IMPG2: variants seen among roughly 807,000 people sequenced by gnomAD.
IMPG2 encodes interphotoreceptor matrix proteoglycan 2, also known as IPM 200.
IMPG2 carries 91 observed loss-of-function variants against 129.2 expected under a neutral mutation model. That is an observed-to-expected ratio of 0.70 (90% CI 0.59 to 0.84). The LOEUF (loss-of-function observed/expected upper bound fraction) is 0.84, where lower values mean the gene tolerates loss of function less well. Among genes scored for constraint, IMPG2 ranks in the 40% least tolerant of loss-of-function variants. The pLI is 0.00. For missense variants in IMPG2, 1,430 were observed against 1,461.7 expected (o/e 0.98, Z 0.35); for synonymous variants, 510 against 517.7 (o/e 0.99, Z 0.20).
At chr3:101,319,417 C>G (rs2058800228) in intron 2 of IMPG2, among the ~76,000 whole-genome samples, 167 bp downstream of exon 2, 1 of 152,122 alleles carries the variant, frequency 6.6e-6, no homozygotes, top group Admixed American at 6.6e-5. Context: ...TTAATGTAAA[C>G]TGTTCTCTGA....
intron 3 of IMPG2, among the ~76,000 whole-genome samples, chr3:101,302,415 T>C (rs1275641578): frequency 1.3e-5 from 2 of 152,208 alleles, no homozygotes; most frequent in Admixed American, 1.3e-4. Flanking sequence ...CTATATATTT[T>C]CCATTAAATA....
intron 4 of IMPG2, among the ~76,000 whole-genome samples, chr3:101,282,123 G>A (rs537186078): frequency 2.0e-5 from 3 of 152,232 alleles, no homozygotes; most frequent in African/African-American, 4.8e-5. Context: ...TAGTGGAAAT[G>A]GGAGTTAATG....
intron 18 of IMPG2, among the ~76,000 whole-genome samples, chr3:101,227,520 A>G (rs557014118): frequency 6.6e-6 from 1 of 152,316 alleles, no homozygotes; most frequent in South Asian, 2.1e-4. Flanking sequence ...TGCATTTTTA[A>G]TTCAGTGAAC....
Position 101,245,854 on chromosome 3 carries a change from G to A in IMPG2, c.1491C>T (p.Gly497=), listed in dbSNP as rs748694734. Residue 497 remains glycine, a synonymous_variant, in exon 12 of 19, where the codon GGC becomes GGT. Coordinates refer to ENST00000193391, the MANE Select transcript of IMPG2 (RefSeq NM_016247.4). ...HSVTPAVLQT[G]LPVASEERTS... ...TCCTTTCCTCAGAAGCCACAGGCAA[G>A]CCAGTCTGAAGCACTGCCGGGGTGA... The A allele has an allele frequency of 3.7e-6, 6 of 1,614,210 alleles. No homozygotes were observed. In the Admixed American group the frequency reaches 8.3e-5, roughly 22 times the overall value.
At chr3:101,240,200 C>T (rs1706391851) in intron 14 of IMPG2, among the ~76,000 whole-genome samples, 1 of 151,924 alleles carries the variant, frequency 6.6e-6, no homozygotes, top group Admixed American at 6.6e-5. Context: ...GCATTGTAAT[C>T]TCAACCTCCT....
At chr3:101,319,460 A>C in intron 2 of IMPG2, 124 bp downstream of exon 2, 1 of 1,096,844 alleles carries the variant, frequency 9.1e-7, no homozygotes, top group Non-Finnish European at 1.4e-6. Context: ...TTAGCAGTAG[A>C]AAGGTAGTTT....
Position 101,226,264 on chromosome 3 carries a change from TATATATATATATATATG to T in IMPG2, c.*688_*704del. 6.8e-5 allele frequency: 2 copies of T among 29,398 alleles called. No homozygotes were observed. The highest frequency in any genetic ancestry group is 9.2e-5 in the Non-Finnish European group (1 of 10,836). The allele number at this position is 29,398 out of a possible 1,614,324, so 1.8% of individuals were successfully genotyped here. On this transcript the variant is annotated 3_prime_UTR_variant, in exon 19 of 19. Transcript: ENST00000193391. ...ATATATATATATATATATATATATA[TATATATATATATATATG>T]CATTCATCCTGAAAACTAAGAAAAA... is the stretch of plus-strand genomic sequence containing the variant.
rs1351340467 is a variant in IMPG2 at position 101,276,738 on chromosome 3, A to C, written c.534-25T>G. ...GCTAGAAAAAAAAATGTTTGCAGTT[A>C]ATAAAATGACAGACACATGAGAGTT... On this transcript the variant is annotated intron_variant, in intron 4 of 18. Coordinates refer to ENST00000193391, the MANE Select transcript of IMPG2 (RefSeq NM_016247.4). The C allele has an allele frequency of 1.9e-6, 3 of 1,579,308 alleles. No individual in the cohort carries two copies. The South Asian group carries it at 3.3e-5, about 18-fold the overall frequency.
intron 18 of IMPG2, among the ~76,000 whole-genome samples, chr3:101,227,278 C>T (rs1297223269): frequency 4.6e-5 from 7 of 152,200 alleles, no homozygotes; most frequent in East Asian, 1.9e-4. Flanking sequence ...ACATGCCTGA[C>T]ATCTTTCCAA....
chr3:101,266,559 T>C (rs72932469), intron 9 of IMPG2, among the ~76,000 whole-genome samples: 3,409 of 152,220 alleles, frequency 0.022, 121 homozygotes, highest in African/African-American at 0.078. Flanking sequence ...ATTTATTAAA[T>C]TGCGTGCTTA....
At chr3:101,251,163 G>A (rs563373206) in intron 11 of IMPG2, among the ~76,000 whole-genome samples, 1 of 152,180 alleles carries the variant, frequency 6.6e-6, no homozygotes, top group Admixed American at 6.5e-5. Context: ...CGCATAACCT[G>A]GCACACATTA....
At chr3:101,230,824 C>A (rs2271973) in intron 16 of IMPG2, 133 bp downstream of exon 16, 140,678 of 762,110 alleles carry the variant, frequency 0.18, 15,090 homozygotes, top group Admixed American at 0.37. Context: ...GGACAAGGAC[C>A]ATGTGTTTAT....
At chr3:101,269,456 A>G in intron 8 of IMPG2, 59 bp downstream of exon 8, 1 of 924,080 alleles carries the variant, frequency 1.1e-6, no homozygotes, top group Non-Finnish European at 1.8e-6. Context: ...TATAATGGAC[A>G]TTCCATTCAG....
intron 3 of IMPG2, 73 bp from the exon 4 acceptor site, chr3:101,291,583 A>G: frequency 1.9e-6 from 2 of 1,061,756 alleles, no homozygotes; most frequent in South Asian, 1.3e-5. Context: ...CTTATTTCAT[A>G]GAGACCACTA....
chr3:101,276,832 C>T, intron 4 of IMPG2, 119 bp from the exon 5 acceptor site: 1 of 695,450 alleles, frequency 1.4e-6, no homozygotes, highest in Admixed American at 2.8e-5. Context: ...GGCTCCCAAG[C>T]AAAAGTACCA....
At chr3:101,313,639 A>T (rs908437622) in intron 2 of IMPG2, among the ~76,000 whole-genome samples, 1 of 152,102 alleles carries the variant, frequency 6.6e-6, no homozygotes, top group African/African-American at 2.4e-5. Context: ...GTCTTATCTA[A>T]AACTTAGGAA....
chr3:101,279,475 T>G (rs2107256348), intron 4 of IMPG2, among the ~76,000 whole-genome samples: 1 of 152,336 alleles, frequency 6.6e-6, no homozygotes, highest in Middle Eastern at 3.4e-3. Flanking sequence ...AGGGTTTCAC[T>G]TGGCCTTCAT....
intron 9 of IMPG2, 56 bp from the exon 10 acceptor site, chr3:101,257,829 A>T: frequency 1.3e-6 from 2 of 1,592,370 alleles, no homozygotes; most frequent in Non-Finnish European, 1.7e-6. Flanking sequence ...CAAAGAAAGG[A>T]GCATTGAACC....
At chr3:101,231,944 A>C (rs1341721062) in intron 15 of IMPG2, among the ~76,000 whole-genome samples, 1 of 152,212 alleles carries the variant, frequency 6.6e-6, no homozygotes, top group East Asian at 1.9e-4. Context: ...ATGTACTTAA[A>C]GAAAAATATT....
Sources: gnomAD v4.1 joint callset for allele counts (sites outside exome capture counted in the v4.1 genomes callset) on GRCh38, gnomAD v4.1.1 for gene constraint, MANE v1.5 for transcripts, NCBI Gene and HGNC (gene_info 2026-07-23, HGNC 2026-07-21) for gene names.